TAX1BP1: variants seen among roughly 807,000 people sequenced by gnomAD.
TAX1BP1 encodes the protein tax1-binding protein 1.
In TAX1BP1, 62 loss-of-function variants were observed where a neutral mutation model predicts 97.7. The ratio of observed to expected loss-of-function variants is 0.63; its 90% CI spans 0.52 to 0.78. The LOEUF is 0.78. Ranked by LOEUF, TAX1BP1 falls within the 30% of genes least tolerant of loss-of-function variation. The probability of loss-of-function intolerance (pLI) is 0.00; values close to 1 mark genes in which losing one functional copy is unlikely to be tolerated. For missense variants in TAX1BP1, 867 were observed against 916.1 expected, an observed-to-expected ratio of 0.95 and a Z score of 0.69; for synonymous variants, 340 against 304.2, an observed-to-expected ratio of 1.12 and a Z score of -1.23.
chr7:27,816,795 A>G (rs1790783861), intron 14 of TAX1BP1, 95 bp from the exon 15 acceptor site: 4 of 1,459,048 alleles, frequency 2.7e-6, no homozygotes, highest in African/African-American at 1.4e-5. Context: ...TCACATGCCA[A>G]AGTGGTTCTT....
intron 5 of TAX1BP1, among the ~76,000 whole-genome samples, chr7:27,778,736 ACCTGTAGT>A (rs1470613892): frequency 2.0e-5 from 3 of 151,806 alleles, no homozygotes; most frequent in Non-Finnish European, 4.4e-5. Flanking sequence ...GGTGGCACGC[ACCTGTAGT>A]CCTGCTACTC....
chr7:27,785,613 G>A lies in TAX1BP1; in HGVS notation c.852+124G>A, dbSNP rs1222302596. On this transcript the variant is annotated intron_variant, in intron 7 of 16. Coordinates refer to ENST00000396319, the MANE Select transcript of TAX1BP1 (RefSeq NM_006024.7). ...AGTGGTTCTGGCTCTAGCCTCTTGT[G>A]TAGTTGCAGTCAGGATGTTGGCAAG... 3 of 752,954 alleles carry A rather than the reference G, an allele frequency of 4.0e-6. No individual in the cohort carries two copies. In the African/African-American group the frequency reaches 5.3e-5, roughly 13 times the overall value. 46.6% of individuals were successfully genotyped at this position (752,954 alleles called of 1,614,324 possible).
chr7:27,766,760 C>CT (rs1253099148), intron 4 of TAX1BP1, among the ~76,000 whole-genome samples: 1 of 152,092 alleles, frequency 6.6e-6, no homozygotes, highest in Non-Finnish European at 1.5e-5. Flanking sequence ...ATCAATAAAT[C>CT]TAACTGTAAT....
chr7:27,822,858 C>T (rs1320132295), intron 15 of TAX1BP1, among the ~76,000 whole-genome samples: 1 of 152,094 alleles, frequency 6.6e-6, no homozygotes, highest in Non-Finnish European at 1.5e-5. Flanking sequence ...AAACCATGGT[C>T]TCTCCAAGGT....
At chr7:27,781,812 G>C (rs1789269322) in intron 5 of TAX1BP1, among the ~76,000 whole-genome samples, 1 of 151,802 alleles carries the variant, frequency 6.6e-6, no homozygotes, top group Non-Finnish European at 1.5e-5. Flanking sequence ...TCCAGCTCCT[G>C]GGTTCAGGTG....
intron 12 of TAX1BP1, among the ~76,000 whole-genome samples, 165 bp from the exon 13 acceptor site, chr7:27,799,800 A>G (rs1790064064): frequency 6.6e-6 from 1 of 152,188 alleles, no homozygotes; most frequent in South Asian, 2.1e-4. Flanking sequence ...TGTGGATAGA[A>G]AATGATTTAT....
chr7:27,779,105 A>C (rs1162253729), intron 5 of TAX1BP1, among the ~76,000 whole-genome samples: 1 of 151,948 alleles, frequency 6.6e-6, no homozygotes, highest in Non-Finnish European at 1.5e-5. Flanking sequence ...TCCATAGATC[A>C]GTACTTTGTT....
At chr7:27,795,814 G>T (rs968123421) in intron 11 of TAX1BP1, among the ~76,000 whole-genome samples, 4 of 152,180 alleles carry the variant, frequency 2.6e-5, no homozygotes, top group African/African-American at 9.7e-5. Context: ...GCCTCCCAAA[G>T]TGCTGGGATT....
In TAX1BP1 at chr7:27,748,575, C is replaced by A; in HGVS notation, c.51C>A (p.Val17=). The A allele has an allele frequency of 6.2e-7, 1 of 1,605,360 alleles. No individual in the cohort carries two copies. Among genetic ancestry groups the A allele is most frequent in the Non-Finnish European group, 8.5e-7 (1 of 1,175,068 alleles). ...VPLQTSNFAH[V]IFQNVAKSYL... ...TGCAGACTTCCAACTTTGCCCATGT[C>A]ATCTTTCAAAATGTGGCCAAGAGTT... The change falls in exon 2 of 17, where the codon GTC becomes GTA. Residue 17 remains valine, a synonymous_variant. Transcript: ENST00000396319.
chr7:27,814,939 G>A (rs1790710464), intron 13 of TAX1BP1, among the ~76,000 whole-genome samples: 1 of 152,008 alleles, frequency 6.6e-6, no homozygotes, highest in South Asian at 2.1e-4. Context: ...GGATTCCACC[G>A]TGTTAGCCAG....
chr7:27,757,957 TAAAC>T (rs1406000080), intron 2 of TAX1BP1, 70 bp from the exon 3 acceptor site: 16 of 805,938 alleles, frequency 2.0e-5, no homozygotes, highest in Non-Finnish European at 2.8e-5. Flanking sequence ...ATACAATAAA[TAAAC>T]AGTATGCTGT....
intron 2 of TAX1BP1, among the ~76,000 whole-genome samples, chr7:27,751,185 A>C (rs562056751): frequency 2.4e-4 from 37 of 152,250 alleles, no homozygotes; most frequent in Non-Finnish European, 4.0e-4. Flanking sequence ...TTCTCTCAGC[A>C]AAAAAGAAAA....
chr7:27,797,088 C>T (rs1789964078), intron 12 of TAX1BP1, among the ~76,000 whole-genome samples: 1 of 151,620 alleles, frequency 6.6e-6, no homozygotes. Flanking sequence ...ATCTCCGCCT[C>T]CTGGGTTCAT....
intron 2 of TAX1BP1, among the ~76,000 whole-genome samples, chr7:27,754,747 A>T (rs1056629994): frequency 2.0e-5 from 3 of 151,398 alleles, no homozygotes; most frequent in Non-Finnish European, 2.9e-5. Flanking sequence ...TAATTTTTTT[A>T]AATTTTTTTT....
At chr7:27,809,816 T>G (rs2128323059) in intron 13 of TAX1BP1, among the ~76,000 whole-genome samples, 1 of 152,324 alleles carries the variant, frequency 6.6e-6, no homozygotes, top group Admixed American at 6.5e-5. Context: ...ATTTCAGTAG[T>G]GTATTATTTG....
intron 4 of TAX1BP1, among the ~76,000 whole-genome samples, chr7:27,768,587 T>C (rs538172595): frequency 1.1e-3 from 160 of 152,126 alleles, no homozygotes; most frequent in African/African-American, 3.7e-3. Flanking sequence ...AAATTAATAA[T>C]GACATTAACC....
intron 13 of TAX1BP1, among the ~76,000 whole-genome samples, chr7:27,814,342 A>G (rs1186032891): frequency 1.3e-5 from 2 of 151,930 alleles, no homozygotes; most frequent in Non-Finnish European, 2.9e-5. Context: ...CTTTTTACAT[A>G]TGGGCTATTA....
At chr7:27,750,725 GTTTA>G (rs1472144225) in intron 2 of TAX1BP1, among the ~76,000 whole-genome samples, 2 of 152,128 alleles carry the variant, frequency 1.3e-5, no homozygotes, top group East Asian at 3.8e-4. Context: ...CAGACTACTT[GTTTA>G]TTTCTTATAT....
In TAX1BP1 at chr7:27,774,876, A is replaced by G. The variant is rs140735756; in HGVS notation, c.612+5042A>G. On this transcript the variant is annotated intron_variant, in intron 5 of 16. Transcript: ENST00000396319. The stretch of plus-strand genomic sequence containing the variant: ...TAACAAATGAATTGAAAGATTTTGT[A>G]TTACTAAAACTCAGCAGTCATTTGT... 5.9e-3 allele frequency among the ~76,000 whole-genome samples: 904 copies of G among 152,286 alleles called. 5 individuals carry two copies. The highest frequency in any genetic ancestry group is 0.017 in the Middle Eastern group (5 of 294).
Sources: gnomAD v4.1 joint callset for allele counts (sites outside exome capture counted in the v4.1 genomes callset) on GRCh38, gnomAD v4.1.1 for gene constraint, MANE v1.5 for transcripts, NCBI Gene and HGNC (gene_info 2026-07-23, HGNC 2026-07-21) for gene names.